Variants in CFAP54 observed in about 807,000 individuals in gnomAD.
CFAP54 encodes cilia- and flagella-associated protein 54.
CFAP54 carries 290 observed loss-of-function variants against 370.4 expected under a neutral mutation model. The observed-to-expected ratio is 0.78, with a 90% CI of 0.71 to 0.86. The LOEUF (loss-of-function observed/expected upper bound fraction) is 0.86, where lower values mean the gene tolerates loss of function less well. Ranked by LOEUF, CFAP54 falls within the 40% of genes least tolerant of loss-of-function variation. The pLI is 0.00. For missense variants in CFAP54, 3,399 were observed against 3,528.7 expected, an observed-to-expected ratio of 0.96 and a Z score of 0.93; for synonymous variants, 1,206 against 1,236.5, an observed-to-expected ratio of 0.98 and a Z score of 0.52.
chr12:96,750,988 T>A (rs576889551), intron 55 of CFAP54, among the ~76,000 whole-genome samples: 1 of 152,236 alleles, frequency 6.6e-6, no homozygotes, highest in African/African-American at 2.4e-5. Context: ...CTTTATAGTA[T>A]AGATTGTGTC....
chr12:96,636,855 G>T (rs1176052890), intron 32 of CFAP54, among the ~76,000 whole-genome samples: 3 of 152,012 alleles, frequency 2.0e-5, no homozygotes, highest in Non-Finnish European at 4.4e-5. Flanking sequence ...TCAGGAGTCC[G>T]AGGAAAAACA....
chr12:96,527,885 T>G (rs1955401144), intron 9 of CFAP54, among the ~76,000 whole-genome samples: 1 of 152,210 alleles, frequency 6.6e-6, no homozygotes, highest in Admixed American at 6.5e-5. Flanking sequence ...TTTATATTGA[T>G]CTTGAATTCA....
At position 96,560,244 on chromosome 12, in the gene CFAP54, T is replaced by G. The variant is rs528205974; in HGVS notation, c.2411-4224T>G. Among the ~76,000 whole-genome samples the G allele has an allele frequency of 3.3e-5, 5 of 152,316 alleles. No individual in the cohort carries two copies. In the South Asian group the frequency reaches 1.0e-3, roughly 32 times the overall value. On this transcript the variant is annotated intron_variant, in intron 17 of 67. Coordinates refer to ENST00000524981, the MANE Select transcript of CFAP54 (RefSeq NM_001306084.2). ...TTTCTTCTATCTAACAATATGTTTG[T>G]ACTCATTAACCAATCTCTGGTTATC... is the stretch of plus-strand genomic sequence containing the variant.
intron 5 of CFAP54, among the ~76,000 whole-genome samples, chr12:96,515,915 T>G (rs75400253): frequency 8.5e-6 from 1 of 117,770 alleles, no homozygotes; most frequent in Non-Finnish European, 1.7e-5. Context: ...CCTCTATGTT[T>G]TTTTTTTTTT....
Position 96,581,125 on chromosome 12 carries a change from A to T in CFAP54, c.3075+20A>T. On this transcript the variant is annotated intron_variant, in intron 22 of 67. Coordinates refer to ENST00000524981, the MANE Select transcript of CFAP54 (RefSeq NM_001306084.2). Reference sequence around the variant, plus strand: ...ACACAGGTAGAAAAGATTTCTGCTAATTTTTTCCACTGTGTTTTTTTTTCC... The same window carrying T: ...ACACAGGTAGAAAAGATTTCTGCTATTTTTTTCCACTGTGTTTTTTTTTCC... The T allele has an allele frequency of 3.6e-6, 5 of 1,403,962 alleles. No homozygotes were observed. The highest frequency in any genetic ancestry group is 3.0e-5 in the Admixed American group (1 of 33,256). 87.0% of individuals were successfully genotyped at this position (1,403,962 alleles called of 1,614,324 possible). A position where few individuals can be genotyped will look rare whatever the true frequency, so the allele number is the denominator to read the frequency against.
rs1056056641 is a variant in CFAP54 at position 96,694,394 on chromosome 12, T to C, written c.6351+586T>C. 1.1e-4 allele frequency among the ~76,000 whole-genome samples: 17 copies of C among 152,224 alleles called. No individual in the cohort carries two copies. The South Asian group carries it at 1.5e-3, about 13-fold the overall frequency. On this transcript the variant is annotated intron_variant, in intron 45 of 67. Transcript: ENST00000524981. ...CAGCTCCCACTTTTGTTGAATTTGT[T>C]TTGTACGTGGATAATCTCAATATCC...
chr12:96,540,510 C>T, intron 13 of CFAP54, among the ~76,000 whole-genome samples: 1 of 152,150 alleles, frequency 6.6e-6, no homozygotes, highest in East Asian at 1.9e-4. Context: ...ACAGTGAGAA[C>T]TTTGAGGATA....
At chr12:96,591,413 G>A (rs1956123113) in intron 23 of CFAP54, among the ~76,000 whole-genome samples, 1 of 152,136 alleles carries the variant, frequency 6.6e-6, no homozygotes, top group East Asian at 1.9e-4. Flanking sequence ...TGGTAAAGAG[G>A]AGGAGAGCAG....
intron 47 of CFAP54, among the ~76,000 whole-genome samples, chr12:96,706,186 A>T (rs1399298274): frequency 6.6e-6 from 1 of 152,146 alleles, no homozygotes; most frequent in Admixed American, 6.5e-5. Flanking sequence ...GTAATAAAGC[A>T]TGATATATAA....
intron 50 of CFAP54, among the ~76,000 whole-genome samples, chr12:96,723,077 G>A (rs960394891): frequency 2.6e-5 from 4 of 152,072 alleles, no homozygotes; most frequent in Non-Finnish European, 5.9e-5. Flanking sequence ...AATGTGTAAG[G>A]TGATGGATAT....
intron 17 of CFAP54, among the ~76,000 whole-genome samples, chr12:96,564,224 A>C (rs1955841795): frequency 6.6e-6 from 1 of 152,210 alleles, no homozygotes; most frequent in South Asian, 2.1e-4. Flanking sequence ...ATTCAAGATG[A>C]GATAGAAAAT....
chr12:96,503,086 T>C (rs938627117), intron 2 of CFAP54, among the ~76,000 whole-genome samples: 1 of 112,554 alleles, frequency 8.9e-6, no homozygotes, highest in African/African-American at 3.5e-5. Context: ...TTCTTTCTCT[T>C]TCTTTCTTTC....
At chr12:96,683,487 C>T in intron 40 of CFAP54, among the ~76,000 whole-genome samples, 1 of 152,176 alleles carries the variant, frequency 6.6e-6, no homozygotes, top group East Asian at 1.9e-4. Context: ...TGCAGAAATA[C>T]CCTTTTTATG....
intron 50 of CFAP54, among the ~76,000 whole-genome samples, chr12:96,724,160 G>A (rs1291100035): frequency 6.6e-6 from 1 of 150,640 alleles, no homozygotes; most frequent in East Asian, 2.0e-4. Flanking sequence ...CTTTATAGCA[G>A]CATGATTTAT....
chr12:96,845,524 G>A (rs1959316054), intron 66 of CFAP54, among the ~76,000 whole-genome samples: 1 of 152,166 alleles, frequency 6.6e-6, no homozygotes, highest in Non-Finnish European at 1.5e-5. Flanking sequence ...TGGTTGATGT[G>A]GGAGTACAAA....
intron 60 of CFAP54, among the ~76,000 whole-genome samples, chr12:96,784,360 A>AT: frequency 6.6e-6 from 1 of 152,096 alleles, no homozygotes; most frequent in Non-Finnish European, 1.5e-5. Context: ...GATGCTAAAA[A>AT]TTTTGGTCAC....
Position 96,691,108 on chromosome 12 carries a change from T to C in CFAP54, c.6082-20T>C. 1 of 1,607,402 alleles carries C rather than the reference T, an allele frequency of 6.2e-7. No individual in the cohort carries two copies. The highest frequency in any genetic ancestry group is 8.5e-7 in the Non-Finnish European group (1 of 1,176,372). ...AATGCTATCTATAGCTCTTTATATT[T>C]CACTTTTTTTCATTTTCAGGGTTTG... On this transcript the variant is annotated intron_variant, in intron 43 of 67. Transcript: ENST00000524981.
chr12:96,678,590 T>C (rs952962835), intron 39 of CFAP54, among the ~76,000 whole-genome samples: 3 of 152,156 alleles, frequency 2.0e-5, no homozygotes, highest in African/African-American at 4.8e-5. Context: ...CTAGAGCCAC[T>C]TGTCTCTTTT....
At chr12:96,654,500 C>CA (rs549250505) in intron 36 of CFAP54, among the ~76,000 whole-genome samples, 99,740 of 135,172 alleles carry the variant, frequency 0.74, 35,890 homozygotes, top group Middle Eastern at 0.81. Context: ...GACTCCGTCT[C>CA]AAAAAAAAAA....
Sources: allele counts gnomAD v4.1 joint callset (sites outside exome capture counted in the v4.1 genomes callset), GRCh38; gene constraint gnomAD v4.1.1; transcripts MANE v1.5; gene names NCBI Gene and HGNC (gene_info 2026-07-23, HGNC 2026-07-21).